TTC7B: variants seen among roughly 807,000 people sequenced by gnomAD.
The protein encoded by TTC7B is tetratricopeptide repeat domain 7B, also known as tetratricopeptide repeat protein 7B.
Under a neutral mutation model 106.8 loss-of-function variants are expected in TTC7B, and 28 were observed. That is an observed-to-expected ratio of 0.26 (90% confidence interval 0.19 to 0.36). The LOEUF (loss-of-function observed/expected upper bound fraction) is 0.36, where lower values mean the gene tolerates loss of function less well. Ranked by LOEUF, TTC7B falls within the 10% of genes least tolerant of loss-of-function variation. The pLI is 1.00. For synonymous variants in TTC7B, 405 were observed against 430.6 expected (o/e 0.94, Z 0.74); for missense variants, 862 against 1,076.4 (o/e 0.80, Z 2.79).
At chr14:90,777,850 C>A (rs1050987592) in intron 3 of TTC7B, among the ~76,000 whole-genome samples, 1 of 152,212 alleles carries the variant, frequency 6.6e-6, no homozygotes, top group Non-Finnish European at 1.5e-5. Context: ...CAGGGCCCAC[C>A]CAACACTCAG....
chr14:90,806,165 G>A (rs1386195991), intron 1 of TTC7B, among the ~76,000 whole-genome samples: 2 of 152,210 alleles, frequency 1.3e-5, no homozygotes, highest in Admixed American at 6.5e-5. Context: ...TCGCCCTCCC[G>A]GGGCTGAGAG....
chr14:90,623,999 C>A (rs890028803), intron 15 of TTC7B, among the ~76,000 whole-genome samples: 1 of 152,152 alleles, frequency 6.6e-6, no homozygotes, highest in Non-Finnish European at 1.5e-5. Flanking sequence ...CCAGCCTGAG[C>A]GACAGAGACA....
intron 3 of TTC7B, among the ~76,000 whole-genome samples, chr14:90,745,770 C>G (rs1444285425): frequency 6.6e-6 from 1 of 150,694 alleles, no homozygotes; most frequent in Non-Finnish European, 1.5e-5. Context: ...AGCAGTGCGA[C>G]CTCGGCTCAC....
chr14:90,744,779 G>C lies in TTC7B; in HGVS notation c.576+13C>G, dbSNP rs373424473. ...AAAAAGTTATCAGGAACAAACACGT[G>C]GTCCTCACTTACCCTTTCTATCTCT... On this transcript the variant is annotated intron_variant, in intron 4 of 19. Coordinates refer to ENST00000328459, the MANE Select transcript of TTC7B (RefSeq NM_001010854.2). 1.2e-6 allele frequency: 2 copies of C among 1,608,690 alleles called. No homozygotes were observed. Among genetic ancestry groups the C allele is most frequent in the Non-Finnish European group, 1.7e-6 (2 of 1,178,638 alleles).
At chr14:90,744,432 T>TC (rs1889882940) in intron 4 of TTC7B, among the ~76,000 whole-genome samples, 1 of 152,058 alleles carries the variant, frequency 6.6e-6, no homozygotes, top group Non-Finnish European at 1.5e-5. Context: ...TGCCTCAACC[T>TC]CCCAAGTAGC....
chr14:90,748,127 T>C lies in TTC7B; in HGVS notation c.446-3205A>G, dbSNP rs117623222. On this transcript the variant is annotated intron_variant, in intron 3 of 19. Transcript: ENST00000328459. Reference sequence around the variant, plus strand: ...GTATTTAAATCATTTATATTTAATGTAATTTTTTAAACAGATAGGTTTAAA... The same window carrying C: ...GTATTTAAATCATTTATATTTAATGCAATTTTTTAAACAGATAGGTTTAAA... Among the ~76,000 whole-genome samples the C allele has an allele frequency of 2.9e-4, 44 of 152,322 alleles. No homozygotes were observed. The East Asian group carries it at 7.3e-3, about 25-fold the overall frequency.
chr14:90,577,520 A>G lies in TTC7B; in HGVS notation c.2310+586T>C, dbSNP rs1474798224. On this transcript the variant is annotated intron_variant, in intron 19 of 19. Transcript: ENST00000328459. The surrounding 1 kb of genome is among the most constrained non-coding windows in gnomAD (Gnocchi z 5.0). ...GTAGACGAAGGATGTGCACTCGTTGAGCGCCGCCACACCCCTGTGCAGTGT... is the reference window on the plus strand; with the variant it reads ...GTAGACGAAGGATGTGCACTCGTTGGGCGCCGCCACACCCCTGTGCAGTGT... Among the ~76,000 whole-genome samples the G allele has an allele frequency of 6.6e-6, 1 of 152,116 alleles. No homozygotes were observed. Among genetic ancestry groups the G allele is most frequent in the Non-Finnish European group, 1.5e-5 (1 of 68,020 alleles).
chr14:90,672,907 G>C (rs1886686175), intron 9 of TTC7B, among the ~76,000 whole-genome samples: 1 of 152,152 alleles, frequency 6.6e-6, no homozygotes, highest in African/African-American at 2.4e-5. Flanking sequence ...ATGGATTAAT[G>C]AATATGCATC....
intron 9 of TTC7B, among the ~76,000 whole-genome samples, chr14:90,658,672 CACAAAG>C (rs1886056732): frequency 6.6e-6 from 1 of 152,206 alleles, no homozygotes; most frequent in Non-Finnish European, 1.5e-5. Flanking sequence ...ACACCAACAA[CACAAAG>C]ACAAAGACAA....
intron 15 of TTC7B, among the ~76,000 whole-genome samples, chr14:90,620,190 G>T (rs1893251236): frequency 6.6e-6 from 1 of 152,062 alleles, no homozygotes; most frequent in Non-Finnish European, 1.5e-5. Flanking sequence ...CGAGGGCCAG[G>T]TAAAGGGAGG....
intron 17 of TTC7B, among the ~76,000 whole-genome samples, chr14:90,610,499 A>G (rs1399737300): frequency 6.6e-6 from 1 of 152,230 alleles, no homozygotes; most frequent in Non-Finnish European, 1.5e-5. Context: ...TTTAAGTTCC[A>G]AGAGCAAAGG....
In TTC7B at chr14:90,576,826, G is replaced by A. The variant is rs1054224030; in HGVS notation, c.2310+1280C>T. Among the ~76,000 whole-genome samples, 18 of 152,332 alleles carry A rather than the reference G, an allele frequency of 1.2e-4. No homozygotes were observed. In the South Asian group the frequency reaches 2.1e-3, roughly 18 times the overall value. On this transcript the variant is annotated intron_variant, in intron 19 of 19. Transcript: ENST00000328459. ...TTTTGCAACATTACTATGAGAAATG[G>A]CAAGATAATGAAGGCTTTGGGATGC...
chr14:90,539,470 T>G lies in TTC7B; in HGVS notation c.*1898A>C, dbSNP rs1328965313. 2 of 152,388 alleles carry G rather than the reference T, an allele frequency of 1.3e-5. No homozygotes were observed. Among genetic ancestry groups the G allele is most frequent in the Non-Finnish European group, 2.9e-5 (2 of 68,146 alleles). The allele number at this position is 152,388 out of a possible 1,614,324, so 9.4% of individuals were successfully genotyped here. ...TGAGTACCTGCCCCAGGTCCTACAT[T>G]GCAAATTCCATGACTTATGACCACT... On this transcript the variant is annotated 3_prime_UTR_variant, in exon 20 of 20. Transcript: ENST00000328459.
At chr14:90,555,910 G>A (rs921879820) in intron 19 of TTC7B, among the ~76,000 whole-genome samples, 1 of 152,244 alleles carries the variant, frequency 6.6e-6, no homozygotes, top group African/African-American at 2.4e-5. Context: ...GCTGCTGGTA[G>A]GGTCACCGGG....
chr14:90,811,083 C>A (rs2030877871), intron 1 of TTC7B, among the ~76,000 whole-genome samples: 1 of 152,210 alleles, frequency 6.6e-6, no homozygotes, highest in Non-Finnish European at 1.5e-5. Context: ...AAATCCAAAT[C>A]CTTCTGCCCT....
At chr14:90,790,445 T>G (rs1055806810) in intron 1 of TTC7B, among the ~76,000 whole-genome samples, 4 of 152,152 alleles carry the variant, frequency 2.6e-5, no homozygotes, top group African/African-American at 9.7e-5. Context: ...AAATAGAACT[T>G]GGGATTCAGA....
intron 1 of TTC7B, among the ~76,000 whole-genome samples, chr14:90,812,594 C>T (rs2030956460): frequency 6.6e-6 from 1 of 152,164 alleles, no homozygotes; most frequent in African/African-American, 2.4e-5. Flanking sequence ...CACTTCAGCC[C>T]ACGAGGGCCT....
chr14:90,793,581 T>TTTTG lies in TTC7B; in HGVS notation c.122-7257_122-7254dup, dbSNP rs200675363. Among the ~76,000 whole-genome samples the TTTTG allele has an allele frequency of 3.9e-3, 589 of 150,344 alleles. 2 individuals are homozygous for TTTTG. The highest frequency in any genetic ancestry group is 6.6e-3 in the Non-Finnish European group (444 of 67,540). On this transcript the variant is annotated intron_variant, in intron 1 of 19. Transcript: ENST00000328459. Reference sequence around the variant, plus strand: ...TAAATTACCCAGTCTCAGGTATTTCTTTTGTTTGTTTGTTTGTTTTTTTCT... The same window carrying TTTTG: ...TAAATTACCCAGTCTCAGGTATTTCTTTTGTTTGTTTGTTTGTTTGTTTTTTTCT...
At chr14:90,560,889 TAA>T (rs1566770313) in intron 19 of TTC7B, among the ~76,000 whole-genome samples, 1 of 152,256 alleles carries the variant, frequency 6.6e-6, no homozygotes, top group Non-Finnish European at 1.5e-5. Context: ...CACCTTTGTG[TAA>T]TATATCAGGC....
Sources: gnomAD v4.1 joint callset for allele counts (sites outside exome capture counted in the v4.1 genomes callset) on GRCh38, gnomAD v4.1.1 for gene constraint, Gnocchi (gnomAD v3.1) non-coding constraint, MANE v1.5 for transcripts, NCBI Gene and HGNC (gene_info 2026-07-23, HGNC 2026-07-21) for gene names.